The following TARBP1 variants were observed in gnomAD, a reference collection of about 807,000 sequenced individuals.
The protein encoded by TARBP1 is tRNA guanosine 2 -O-methyltransferase TARBP1, also known as tRNA (guanosine(18)-2'-O)-methyltransferase TARBP1.
Under a neutral mutation model 178.6 loss-of-function variants are expected in TARBP1, and 144 were observed. The observed-to-expected ratio is 0.81, with a 90% CI of 0.70 to 0.93. TARBP1 has a LOEUF of 0.93. Ranked by LOEUF, TARBP1 falls within the 40% of genes least tolerant of loss-of-function variation. The probability of loss-of-function intolerance (pLI) is 0.00; values close to 1 mark genes in which losing one functional copy is unlikely to be tolerated. For synonymous variants in TARBP1, 787 were observed against 781.0 expected (o/e 1.01, Z -0.13); for missense variants, 2,067 against 2,011.7 (o/e 1.03, Z -0.53).
chr1:234,465,936 T>C (rs1262578226), intron 4 of TARBP1, among the ~76,000 whole-genome samples: 1 of 152,088 alleles, frequency 6.6e-6, no homozygotes, highest in Non-Finnish European at 1.5e-5. Context: ...TTAAAATTTA[T>C]GCCATACTAA....
chr1:234,453,658 T>C (rs1307674033), intron 9 of TARBP1, among the ~76,000 whole-genome samples: 1 of 152,112 alleles, frequency 6.6e-6, no homozygotes, highest in Non-Finnish European at 1.5e-5. Flanking sequence ...AACTAGATAA[T>C]TAGATAATAA....
intron 5 of TARBP1, among the ~76,000 whole-genome samples, chr1:234,464,652 A>C (rs1668243594): frequency 6.6e-6 from 1 of 152,254 alleles, no homozygotes; most frequent in Non-Finnish European, 1.5e-5. Flanking sequence ...CAATATTATT[A>C]AACAGGACTA....
intron 1 of TARBP1, among the ~76,000 whole-genome samples, chr1:234,476,205 C>T (rs534365): frequency 0.41 from 61,626 of 151,902 alleles, 12,989 homozygotes; most frequent in African/African-American, 0.47. Context: ...ACTCCAAAAG[C>T]GTCAAATGGA....
At position 234,420,666 on chromosome 1, in the gene TARBP1, T is replaced by C. The variant is rs1007611675; in HGVS notation, c.3555+36A>G. The C allele has an allele frequency of 4.4e-6, 6 of 1,348,836 alleles. No homozygotes were observed. The African/African-American group carries it at 7.4e-5, about 17-fold the overall frequency. 83.6% of individuals were successfully genotyped at this position (1,348,836 alleles called of 1,614,324 possible). On this transcript the variant is annotated intron_variant, in intron 21 of 29. Coordinates refer to ENST00000040877, the MANE Select transcript of TARBP1 (RefSeq NM_005646.4). ...AAAATAGTTCAGTCATGAAATCATA[T>C]GCTTCAAAGGTACAAATATAATAAA...
rs1669848856 is a variant in TARBP1 at position 234,478,858 on chromosome 1, G to A, written c.246C>T (p.Gly82=). Residue 82 remains glycine, a synonymous_variant, in exon 1 of 30, where the codon GGC becomes GGT. Coordinates refer to ENST00000040877, the MANE Select transcript of TARBP1 (RefSeq NM_005646.4). ...LLRSLRGRPA[G]GPDPSLQPRH... ...GAGGCTGCAGACTGGGGTCCGGGCC[G>A]CCCGCGGGGCGTCCGCGCAGGCTCC... 2 of 1,265,820 alleles carry A rather than the reference G, an allele frequency of 1.6e-6. No individual in the cohort carries two copies. The allele number at this position is 1,265,820 out of a possible 1,614,324, so 78.4% of individuals were successfully genotyped here. A position where few individuals can be genotyped will look rare whatever the true frequency, so the allele number is the denominator to read the frequency against.
At chr1:234,478,086 C>G in intron 1 of TARBP1, 87 bp downstream of exon 1, 1 of 1,349,328 alleles carries the variant, frequency 7.4e-7, no homozygotes, top group Non-Finnish European at 1.0e-6. Flanking sequence ...GTGACGACCC[C>G]GATAAGCTAG....
chr1:234,437,358 C>A lies in TARBP1; in HGVS notation c.2149G>T (p.Val717Phe). The A allele has an allele frequency of 6.4e-7, 1 of 1,573,854 alleles. No individual in the cohort carries two copies. Among genetic ancestry groups the A allele is most frequent in the South Asian group, 1.2e-5 (1 of 82,004 alleles). ...SSAQDDEVST[V>F]LQNFFMSTTE... ...GTAGACATGAAAAAGTTCTGAAGAA[C>A]AGTAGACACCTCATCTGTATGGGGG... is the stretch of plus-strand genomic sequence containing the variant. Residue 717 changes from valine (V) to phenylalanine (F), a missense_variant, in exon 13 of 30, where the codon GTT (valine) becomes TTT (phenylalanine). Val to Phe is a conservative substitution (Grantham distance 50). Transcript: ENST00000040877.
At chr1:234,459,835 G>A (rs1435685001) in intron 7 of TARBP1, among the ~76,000 whole-genome samples, 1 of 151,366 alleles carries the variant, frequency 6.6e-6, no homozygotes, top group Non-Finnish European at 1.5e-5. Context: ...TATAAATGAA[G>A]ATGCTTTTAA....
chr1:234,436,176 T>C (rs775478935), intron 13 of TARBP1, among the ~76,000 whole-genome samples: 3 of 152,200 alleles, frequency 2.0e-5, no homozygotes, highest in Non-Finnish European at 4.4e-5. Context: ...AACAAAAACA[T>C]GTTATATAAT....
At chr1:234,421,251 G>A (rs886721660) in intron 20 of TARBP1, among the ~76,000 whole-genome samples, 3 of 152,060 alleles carry the variant, frequency 2.0e-5, no homozygotes, top group Admixed American at 2.0e-4. Context: ...ACCACACCCA[G>A]CTAACTTCTG....
intron 9 of TARBP1, among the ~76,000 whole-genome samples, chr1:234,452,693 G>A (rs1277890393): frequency 6.6e-6 from 1 of 152,042 alleles, no homozygotes; most frequent in Non-Finnish European, 1.5e-5. Flanking sequence ...CACTCAATCT[G>A]GCAACTGTGC....
At chr1:234,423,279 A>T (rs1402359267) in intron 20 of TARBP1, among the ~76,000 whole-genome samples, 1 of 152,146 alleles carries the variant, frequency 6.6e-6, no homozygotes. Context: ...AGTGGGTACA[A>T]CTGGCTAGTA....
chr1:234,399,435 C>CTT (rs1660451577), intron 25 of TARBP1, among the ~76,000 whole-genome samples: 1 of 152,208 alleles, frequency 6.6e-6, no homozygotes, highest in African/African-American at 2.4e-5. Context: ...GCTCCAAATA[C>CTT]ATGAAGACTA....
chr1:234,410,075 A>G (rs1347909177), intron 23 of TARBP1, among the ~76,000 whole-genome samples: 2 of 152,236 alleles, frequency 1.3e-5, no homozygotes, highest in African/African-American at 2.4e-5. Context: ...TCTTTGCACG[A>G]GCATTTGTTA....
In TARBP1 at chr1:234,397,958, C is replaced by A. The variant is rs1233768609; in HGVS notation, c.4243+424G>T. On this transcript the variant is annotated intron_variant, in intron 26 of 29. Coordinates refer to ENST00000040877, the MANE Select transcript of TARBP1 (RefSeq NM_005646.4). The stretch of plus-strand genomic sequence containing the variant: ...GGGATAACATGAAGCGGCGTCCAAC[C>A]AACCAAGAGGGGACTAGAATCAAGA... 2.1e-5 allele frequency among the ~76,000 whole-genome samples: 3 copies of A among 145,828 alleles called. No individual in the cohort carries two copies. The South Asian group carries it at 6.6e-4, about 32-fold the overall frequency.
chr1:234,474,644 T>G (rs1019370579), intron 1 of TARBP1, among the ~76,000 whole-genome samples: 14 of 152,214 alleles, frequency 9.2e-5, no homozygotes, highest in Non-Finnish European at 1.9e-4. Flanking sequence ...ACAGCAATAC[T>G]GGAAGCTCTA....
intron 3 of TARBP1, among the ~76,000 whole-genome samples, chr1:234,469,077 T>TAAAAAAAAAAAAAAA (rs1327979551): frequency 3.8e-4 from 24 of 63,782 alleles, no homozygotes; most frequent in Admixed American, 7.8e-4. Flanking sequence ...TTTTTTTTTT[T>TAAAAAAAAAAAAAAA]AAAAAAAAAA....
At chr1:234,405,130 G>A (rs149735125) in intron 24 of TARBP1, among the ~76,000 whole-genome samples, 53 of 152,188 alleles carry the variant, frequency 3.5e-4, no homozygotes, top group African/African-American at 1.2e-3. Flanking sequence ...AACCATTTGT[G>A]TATATAAATT....
Position 234,461,852 on chromosome 1 carries a change from T to C in TARBP1, c.1400-1456A>G, listed in dbSNP as rs151325479. Among the ~76,000 whole-genome samples the C allele has an allele frequency of 9.3e-3, 1,413 of 152,298 alleles. 61 individuals are homozygous for C. The highest frequency in any genetic ancestry group is 0.068 in the Admixed American group (1,044 of 15,296). The stretch of plus-strand genomic sequence containing the variant: ...ATCTGTGATTTCTTAAGGACCCTCA[T>C]CTCATGTAGTTAGTGAAAATGTCTG... On this transcript the variant is annotated intron_variant, in intron 6 of 29. Transcript: ENST00000040877.
Sources: allele counts gnomAD v4.1 joint callset (sites outside exome capture counted in the v4.1 genomes callset), GRCh38; gene constraint gnomAD v4.1.1; transcripts MANE v1.5; gene names NCBI Gene and HGNC (gene_info 2026-07-23, HGNC 2026-07-21).